SYT16: variants seen among roughly 807,000 people sequenced by gnomAD.
The protein encoded by SYT16 is synaptotagmin-16.
SYT16 carries 42 observed loss-of-function variants against 61.4 expected under a neutral mutation model. The observed-to-expected ratio is 0.68, with a 90% CI of 0.53 to 0.89. The LOEUF is 0.89. Among genes scored for constraint, SYT16 ranks in the 40% least tolerant of loss-of-function variants. The pLI, the probability that SYT16 is intolerant of heterozygous loss-of-function variation, is 0.00. For synonymous variants in SYT16, 314 were observed against 302.3 expected, an observed-to-expected ratio of 1.04 and a Z score of -0.40; for missense variants, 804 against 807.3, an observed-to-expected ratio of 1.00 and a Z score of 0.05.
In SYT16 at chr14:62,100,721, C is replaced by T. The variant is rs534971748; in HGVS notation, c.*14C>T. The T allele has an allele frequency of 1.3e-5, 21 of 1,605,778 alleles. No individual in the cohort carries two copies. In the East Asian group the frequency reaches 4.5e-4, roughly 34 times the overall value. ...CTGGAATCCTAGGTTTGCTAACCTG[C>T]ATTTGTGTGCTGTGTCCACCTTGGT... On this transcript the variant is annotated 3_prime_UTR_variant, in exon 8 of 8. Coordinates refer to ENST00000683842, the MANE Select transcript of SYT16 (RefSeq NM_001367656.1).
intron 3 of SYT16, among the ~76,000 whole-genome samples, chr14:62,009,933 G>A (rs1370236345): frequency 6.6e-6 from 1 of 152,084 alleles, no homozygotes; most frequent in African/African-American, 2.4e-5. Context: ...CAGTCCTAGG[G>A]GTGCTAGCTG....
intron 3 of SYT16, among the ~76,000 whole-genome samples, chr14:62,024,740 A>G (rs1021878131): frequency 6.6e-6 from 1 of 152,116 alleles, no homozygotes; most frequent in Admixed American, 6.5e-5. Context: ...TTATAGCATC[A>G]TACATAATAT....
chr14:61,924,816 G>A (rs1447654030), intron 1 of SYT16, among the ~76,000 whole-genome samples: 1 of 152,302 alleles, frequency 6.6e-6, no homozygotes, highest in African/African-American at 2.4e-5. Context: ...TCAGCCACAA[G>A]TGACAGACAA....
At chr14:61,852,384 A>G (rs1171585503) in intron 1 of SYT16, among the ~76,000 whole-genome samples, 3 of 152,038 alleles carry the variant, frequency 2.0e-5, no homozygotes, top group Non-Finnish European at 2.9e-5. Context: ...TTTGTTTAGG[A>G]TTGTCTTGGC....
Position 61,914,612 on chromosome 14 carries a change from A to G in SYT16, c.-324-55520A>G, listed in dbSNP as rs868401206. On this transcript the variant is annotated intron_variant, in intron 1 of 7. Coordinates refer to ENST00000683842, the MANE Select transcript of SYT16 (RefSeq NM_001367656.1). ...TGGCACCATCTGTTGGCTGAGGCCAAAAACCTTGGGGTTATCTTTGACTCA... is the reference window on the plus strand; with the variant it reads ...TGGCACCATCTGTTGGCTGAGGCCAGAAACCTTGGGGTTATCTTTGACTCA... 4.8e-5 allele frequency among the ~76,000 whole-genome samples: 6 copies of G among 125,980 alleles called. 1 individual carries two copies. The South Asian group carries it at 1.8e-3, about 38-fold the overall frequency. The allele number at this position is 125,980 out of a possible 152,430, so 82.6% of individuals were successfully genotyped here. A position where few individuals can be genotyped will look rare whatever the true frequency, so the allele number is the denominator to read the frequency against.
intron 3 of SYT16, among the ~76,000 whole-genome samples, chr14:62,033,891 A>C (rs1489890540): frequency 6.6e-6 from 1 of 152,158 alleles, no homozygotes; most frequent in Non-Finnish European, 1.5e-5. Flanking sequence ...TTTTGTGCTG[A>C]AAATGATACG....
intron 3 of SYT16, among the ~76,000 whole-genome samples, chr14:62,018,870 T>C (rs563613171): frequency 1.2e-3 from 188 of 152,340 alleles, no homozygotes; most frequent in African/African-American, 4.4e-3. Context: ...TTTACTTGTT[T>C]GTTTGTTTCC....
At position 61,988,887 on chromosome 14, in the gene SYT16, T is replaced by G. The variant is rs545857186; in HGVS notation, c.-144-6989T>G. ...TTCTTCACTATCTAATCGCATTTTT[T>G]TTTTAAAGATTTGGAGTAATGGTTA... On this transcript the variant is annotated intron_variant, in intron 2 of 7. Transcript: ENST00000683842. Among the ~76,000 whole-genome samples the G allele has an allele frequency of 5.3e-4, 81 of 152,256 alleles. 1 individual carries two copies. In the South Asian group the frequency reaches 0.015, roughly 29 times the overall value.
intron 1 of SYT16, among the ~76,000 whole-genome samples, chr14:61,867,764 GT>G (rs1398876553): frequency 6.6e-6 from 1 of 151,992 alleles, no homozygotes; most frequent in Admixed American, 6.5e-5. Context: ...AAAGCATTTA[GT>G]CTTTTACCAT....
rs1418121210 is a variant in SYT16 at position 62,108,204 on chromosome 14, G to A, written c.*7497G>A. 2 of 152,156 alleles carry A rather than the reference G, an allele frequency of 1.3e-5. No homozygotes were observed. Among genetic ancestry groups the A allele is most frequent in the African/African-American group, 2.4e-5 (1 of 41,438 alleles). 9.4% of individuals were successfully genotyped at this position (152,156 alleles called of 1,614,324 possible). ...CTAGACTCAACCCATTTTTAAAGCA[G>A]GAGTTTTTCCAATGGATTTATTGTT... On this transcript the variant is annotated 3_prime_UTR_variant, in exon 8 of 8. Transcript: ENST00000683842.
intron 3 of SYT16, among the ~76,000 whole-genome samples, chr14:62,008,903 T>A (rs1239524825): frequency 6.6e-6 from 1 of 152,156 alleles, no homozygotes; most frequent in African/African-American, 2.4e-5. Flanking sequence ...ACTTTCACTA[T>A]TAAAAATAAT....
At chr14:61,991,375 C>T (rs1798905830) in intron 2 of SYT16, among the ~76,000 whole-genome samples, 1 of 140,760 alleles carries the variant, frequency 7.1e-6, no homozygotes, top group Admixed American at 7.2e-5. Flanking sequence ...TTCTAAAACA[C>T]CAGAAGCTAC....
intron 5 of SYT16, among the ~76,000 whole-genome samples, chr14:62,077,155 C>T (rs965006011): frequency 2.6e-5 from 4 of 152,330 alleles, no homozygotes; most frequent in African/African-American, 9.6e-5. Context: ...GCATCAGGAA[C>T]ATATTGTAGG....
In SYT16 at chr14:61,885,643, C is replaced by T. The variant is rs191045212; in HGVS notation, c.-325+72833C>T. ...GATAGATATTATTTCTATTTACAGGCTTACTTTGGAGATATTGCAGGTTTG... is the reference window on the plus strand; with the variant it reads ...GATAGATATTATTTCTATTTACAGGTTTACTTTGGAGATATTGCAGGTTTG... On this transcript the variant is annotated intron_variant, in intron 1 of 7. Coordinates refer to ENST00000683842, the MANE Select transcript of SYT16 (RefSeq NM_001367656.1). Among the ~76,000 whole-genome samples the T allele has an allele frequency of 2.1e-4, 32 of 152,254 alleles. 1 individual carries two copies. Among genetic ancestry groups the T allele is most frequent in the Admixed American group, 2.0e-3 (30 of 15,298 alleles).
At chr14:62,025,105 G>T (rs572203528) in intron 3 of SYT16, among the ~76,000 whole-genome samples, 189 of 152,190 alleles carry the variant, frequency 1.2e-3, no homozygotes, top group South Asian at 8.7e-3. Context: ...TCCGTGTACA[G>T]GTTTTTGTGT....
chr14:62,098,823 A>G (rs954212736), intron 7 of SYT16, among the ~76,000 whole-genome samples: 4 of 152,180 alleles, frequency 2.6e-5, no homozygotes, highest in African/African-American at 9.7e-5. Flanking sequence ...TTTAGTGGAG[A>G]CTATAAGAGG....
At chr14:61,938,456 G>A (rs1057209385) in intron 1 of SYT16, among the ~76,000 whole-genome samples, 1 of 152,048 alleles carries the variant, frequency 6.6e-6, no homozygotes. Context: ...TGACTAGGAA[G>A]GCATTCTTGG....
chr14:62,053,248 G>A (rs145136918), intron 3 of SYT16, among the ~76,000 whole-genome samples: 3 of 152,296 alleles, frequency 2.0e-5, no homozygotes, highest in Admixed American at 2.0e-4. Context: ...TGAAAAAGAC[G>A]TTTTTTGGAC....
In SYT16 at chr14:62,050,900, G is replaced by A. The variant is rs183762111; in HGVS notation, c.524-18703G>A. The stretch of plus-strand genomic sequence containing the variant: ...CGCCCCTACTGGGAGGTGACTCCCA[G>A]TTAGGCTACTGGGGGTCAGGGACCC... On this transcript the variant is annotated intron_variant, in intron 3 of 7. Coordinates refer to ENST00000683842, the MANE Select transcript of SYT16 (RefSeq NM_001367656.1). Among the ~76,000 whole-genome samples the A allele has an allele frequency of 1.8e-3, 280 of 152,320 alleles. 2 individuals carry two copies. Among genetic ancestry groups the A allele is most frequent in the Non-Finnish European group, 3.2e-3 (217 of 68,032 alleles).
Sources: gnomAD v4.1 joint callset for allele counts (sites outside exome capture counted in the v4.1 genomes callset) on GRCh38, gnomAD v4.1.1 for gene constraint, MANE v1.5 for transcripts, NCBI Gene and HGNC (gene_info 2026-07-23, HGNC 2026-07-21) for gene names.